Variants in LGALS12 observed in about 807,000 individuals in gnomAD.
LGALS12 encodes galectin-12.
LGALS12 carries 36 observed loss-of-function variants against 36.8 expected under a neutral mutation model. The observed-to-expected ratio is 0.98, with a 90% confidence interval of 0.75 to 1.29. The LOEUF (loss-of-function observed/expected upper bound fraction) is 1.29. LGALS12 is among the 50% of genes most tolerant of loss of function. The pLI, the probability that LGALS12 is intolerant of heterozygous loss-of-function variation, is 0.00. For missense variants in LGALS12, 366 were observed against 394.3 expected (o/e 0.93, Z 0.61); for synonymous variants, 145 against 155.9 (o/e 0.93, Z 0.52).
At position 63,510,493 on chromosome 11, in the gene LGALS12, G is replaced by A; in HGVS notation, c.523G>A (p.Ala175Thr). 1 of 1,614,156 alleles carries A rather than the reference G, an allele frequency of 6.2e-7. No individual in the cohort carries two copies. The highest frequency in any genetic ancestry group is 1.7e-5 in the Admixed American group (1 of 60,016). Residue 175 changes from alanine to threonine, a missense_variant, in exon 5 of 9, where the codon GCT becomes ACT. Ala to Thr is a moderately conservative substitution (Grantham distance 58). Coordinates refer to ENST00000394618, the MANE Select transcript of LGALS12 (RefSeq NM_033101.4). ...TGTGGAGGGCAGCAGAGAGTACCCA[G>A]CTGGACATGTGAGTTTCTTGGCAGC... ...PFVEGSREYP[A>T]GHPFLLMSPR...
At chr11:63,515,526 GGC>G (rs762699216) in intron 7 of LGALS12, 35 bp from the exon 8 acceptor site, 37 of 1,609,380 alleles carry the variant, frequency 2.3e-5, no homozygotes, top group Admixed American at 3.3e-5. Context: ...ATGGGCAATG[GGC>G]GCTGATTCCT....
chr11:63,506,760 A>C (rs957475642), intron 1 of LGALS12, among the ~76,000 whole-genome samples: 3 of 152,160 alleles, frequency 2.0e-5, no homozygotes, highest in Admixed American at 6.5e-5. Context: ...GAAAGTGGCG[A>C]AGCCTGGAGC....
intron 4 of LGALS12, 59 bp from the exon 5 acceptor site, chr11:63,510,404 T>G: frequency 6.5e-7 from 1 of 1,541,550 alleles, no homozygotes; most frequent in Non-Finnish European, 9.0e-7. Context: ...CTCCCAGGCA[T>G]AGGTAGGGGA....
intron 8 of LGALS12, 25 bp downstream of exon 8, chr11:63,515,738 TC>T (rs1463494882): frequency 6.2e-7 from 1 of 1,611,468 alleles, no homozygotes; most frequent in Non-Finnish European, 8.5e-7. Context: ...AATGATTACA[TC>T]CCTTCAGGCT....
intron 8 of LGALS12, among the ~76,000 whole-genome samples, chr11:63,515,916 T>C (rs116171286): frequency 0.026 from 3,576 of 135,944 alleles, 139 homozygotes; most frequent in African/African-American, 0.11. Flanking sequence ...AGAAACTCAA[T>C]TGATGCAGGT....
At chr11:63,507,223 AGCAGCTGCCCAGGTTACG>A (rs2016767095) in intron 1 of LGALS12, among the ~76,000 whole-genome samples, 1 of 152,186 alleles carries the variant, frequency 6.6e-6, no homozygotes, top group East Asian at 1.9e-4. Flanking sequence ...AATGGGCTGA[AGCAGCTGCCCAGGTTACG>A]GCAGCTCCTT....
chr11:63,507,332 G>T (rs897637061), intron 1 of LGALS12, among the ~76,000 whole-genome samples: 1 of 152,164 alleles, frequency 6.6e-6, no homozygotes, highest in Non-Finnish European at 1.5e-5. Flanking sequence ...GTTCCTAAAG[G>T]TTGTTGGGAG....
chr11:63,507,420 C>T (rs1301954350), intron 1 of LGALS12, among the ~76,000 whole-genome samples: 1 of 152,176 alleles, frequency 6.6e-6, no homozygotes, highest in African/African-American at 2.4e-5. Context: ...TCATTCCAAA[C>T]ACATCTATGC....
At chr11:63,514,431 G>A (rs769247568) in intron 7 of LGALS12, among the ~76,000 whole-genome samples, 40 of 152,106 alleles carry the variant, frequency 2.6e-4, no homozygotes, top group Non-Finnish European at 4.4e-4. Flanking sequence ...TTAGCTGGGC[G>A]GTGCGGGCAT....
chr11:63,512,865 C>T (rs2016969859), intron 7 of LGALS12, among the ~76,000 whole-genome samples: 1 of 151,674 alleles, frequency 6.6e-6, no homozygotes, highest in Admixed American at 6.6e-5. Flanking sequence ...GTGCCTGGTA[C>T]ATGGTAAGTG....
intron 7 of LGALS12, among the ~76,000 whole-genome samples, chr11:63,513,013 A>G (rs2016974606): frequency 1.3e-5 from 2 of 152,110 alleles, no homozygotes; most frequent in Admixed American, 1.3e-4. Context: ...TGCCCTGCAC[A>G]CTGCCGATCA....
Position 63,514,128 on chromosome 11 carries a change from C to T in LGALS12, c.648-1435C>T, listed in dbSNP as rs558671197. 8.5e-5 allele frequency among the ~76,000 whole-genome samples: 13 copies of T among 152,280 alleles called. No homozygotes were observed. The South Asian group carries it at 2.7e-3, about 32-fold the overall frequency. ...TCCCAAAGTTGGAAACTTACGGGGCCTCCTCCTGTAAGGATCTACCAATAG... is the reference window on the plus strand; with the variant it reads ...TCCCAAAGTTGGAAACTTACGGGGCTTCCTCCTGTAAGGATCTACCAATAG... On this transcript the variant is annotated intron_variant, in intron 7 of 8. Transcript: ENST00000394618.
chr11:63,515,482 C>G, intron 7 of LGALS12, 81 bp from the exon 8 acceptor site: 1 of 1,541,272 alleles, frequency 6.5e-7, no homozygotes, highest in Non-Finnish European at 8.8e-7. Flanking sequence ...ACTCCCTGAC[C>G]TCCATCCTTC....
chr11:63,512,330 A>G (rs1427984837), intron 7 of LGALS12, among the ~76,000 whole-genome samples: 1 of 152,210 alleles, frequency 6.6e-6, no homozygotes, highest in Admixed American at 6.5e-5. Flanking sequence ...TGTGGCTCCA[A>G]TCCAGTTAGA....
intron 7 of LGALS12, among the ~76,000 whole-genome samples, chr11:63,514,873 CT>C (rs370751949): frequency 0.042 from 6,038 of 143,570 alleles, 350 homozygotes; most frequent in African/African-American, 0.14. Flanking sequence ...TCCTTTGTTC[CT>C]TTTTTTTTTT....
intron 1 of LGALS12, among the ~76,000 whole-genome samples, chr11:63,507,599 T>C (rs1193298283): frequency 6.7e-6 from 1 of 148,822 alleles, no homozygotes; most frequent in Non-Finnish European, 1.5e-5. Context: ...AAGAAAGGAA[T>C]AATCCAAGGA....
intron 1 of LGALS12, 62 bp downstream of exon 1, chr11:63,506,589 C>G: frequency 1.9e-6 from 3 of 1,605,126 alleles, no homozygotes; most frequent in Non-Finnish European, 2.6e-6. Flanking sequence ...CCAACTGGGC[C>G]CACACTCCTG....
At position 63,506,409 on chromosome 11, in the gene LGALS12, G is replaced by A; in HGVS notation, c.-50G>A. 7 of 1,614,204 alleles carry A rather than the reference G, an allele frequency of 4.3e-6. No homozygotes were observed. Among genetic ancestry groups the A allele is most frequent in the Non-Finnish European group, 5.1e-6 (6 of 1,180,028 alleles). On this transcript the variant is annotated 5_prime_UTR_variant, in exon 1 of 9. Transcript: ENST00000394618. Reference sequence around the variant, plus strand: ...CTGGGGCAGATGAGTCAGCCCAGTGGGGGCAGGGCTCCTGGAACGAGGATC... The same window carrying A: ...CTGGGGCAGATGAGTCAGCCCAGTGAGGGCAGGGCTCCTGGAACGAGGATC...
Position 63,515,591 on chromosome 11 carries a change from G to A in LGALS12, c.676G>A (p.Ala226Thr). The change falls in exon 8 of 9, where the codon GCC becomes ACC. Residue 226 changes from alanine (A) to threonine (T), a missense_variant. Physicochemically the swap from Ala to Thr is moderately conservative, Grantham distance 58. Transcript: ENST00000394618. ...HFTVSLRDQA[A>T]HAPVTLRASF... ...TACTGTGAGCCTGAGGGACCAGGCT[G>A]CCCATGCTCCTGTGACACTCAGGGC... The A allele has an allele frequency of 6.2e-7, 1 of 1,614,208 alleles. No homozygotes were observed. The highest frequency in any genetic ancestry group is 8.5e-7 in the Non-Finnish European group (1 of 1,180,014).
Sources: allele counts gnomAD v4.1 joint callset (sites outside exome capture counted in the v4.1 genomes callset), GRCh38; gene constraint gnomAD v4.1.1; transcripts MANE v1.5; gene names NCBI Gene and HGNC (gene_info 2026-07-23, HGNC 2026-07-21).